The following TANK variants were observed in gnomAD, a reference collection of about 807,000 sequenced individuals.
TANK encodes the protein TRAF family member-associated NF-kappa-B activator.
Under a neutral mutation model 43.6 loss-of-function variants are expected in TANK, and 15 were observed. The observed-to-expected ratio is 0.34, with a 90% CI of 0.23 to 0.53. TANK has a LOEUF of 0.53. Among genes scored for constraint, TANK ranks in the 20% least tolerant of loss-of-function variants. The pLI, the probability that TANK is intolerant of heterozygous loss-of-function variation, is 0.94. For missense variants in TANK, 417 were observed against 498.6 expected (o/e 0.84, Z 1.56); for synonymous variants, 162 against 178.2 (o/e 0.91, Z 0.73).
upstream of TANK, chr2:161,156,171 C>CT (rs1684221559): frequency 2.0e-6 from 2 of 985,314 alleles, no homozygotes; most frequent in Non-Finnish European, 2.4e-6. Flanking sequence ...CATAATCTTT[C>CT]TACCATTTCC....
chr2:161,140,824 A>T (rs1015565879), intron 1 of TANK, among the ~76,000 whole-genome samples: 1 of 151,522 alleles, frequency 6.6e-6, no homozygotes, highest in Non-Finnish European at 1.5e-5. Context: ...TTTTTTTTTA[A>T]TGAATAGTCT....
rs771483129 is a variant in TANK, at chr2:161,230,941, T to C, written c.521-30T>C. The C allele has an allele frequency of 2.6e-6, 4 of 1,529,332 alleles. No individual in the cohort carries two copies. The South Asian group carries it at 3.4e-5, about 13-fold the overall frequency. The allele number at this position is 1,529,332 out of a possible 1,614,324, so 94.7% of individuals were successfully genotyped here. A position where few individuals can be genotyped will look rare whatever the true frequency, so the allele number is the denominator to read the frequency against. On this transcript the variant is annotated intron_variant, in intron 6 of 7. Transcript: ENST00000392749. ...ATTTTTTTAATGATTTGAATGCGGC[T>C]GTTTCTCTTTTGTGTTCTTCTCCCT...
chr2:161,163,706 G>T (rs1174600571), intron 1 of TANK, among the ~76,000 whole-genome samples: 1 of 152,112 alleles, frequency 6.6e-6, no homozygotes, highest in Admixed American at 6.5e-5. Flanking sequence ...CCTACAGAGG[G>T]TTTCAAAATG....
At chr2:161,139,236 C>T (rs574048608) in intron 1 of TANK, among the ~76,000 whole-genome samples, 1 of 152,112 alleles carries the variant, frequency 6.6e-6, no homozygotes, top group Non-Finnish European at 1.5e-5. Context: ...AGCAGTCAAC[C>T]TTGTCTTGTT....
intron 4 of TANK, among the ~76,000 whole-genome samples, chr2:161,207,046 A>G (rs1444289712): frequency 6.6e-6 from 1 of 152,064 alleles, no homozygotes; most frequent in East Asian, 1.9e-4. Context: ...ATAATTTGTT[A>G]TTTATGCAAG....
At chr2:161,154,007 C>T (rs1684152370) in intron 1 of TANK, among the ~76,000 whole-genome samples, 2 of 152,194 alleles carry the variant, frequency 1.3e-5, no homozygotes, top group Non-Finnish European at 2.9e-5. Context: ...TAACCTAGGA[C>T]TCTGCCTAGT....
intron 1 of TANK, among the ~76,000 whole-genome samples, chr2:161,147,052 G>A (rs750242827): frequency 9.9e-5 from 15 of 152,100 alleles, no homozygotes; most frequent in Admixed American, 1.3e-4. Flanking sequence ...GGGAGGCCCC[G>A]CCCAATAAGG....
chr2:161,222,713 CAT>C (rs1164071802), intron 4 of TANK: 2 of 152,042 alleles, frequency 1.3e-5, no homozygotes, highest in Non-Finnish European at 2.9e-5. Flanking sequence ...TTGTCAAACA[CAT>C]GATATGCAGC....
chr2:161,230,491 T>A (rs1342800124), intron 6 of TANK, among the ~76,000 whole-genome samples: 1 of 152,214 alleles, frequency 6.6e-6, no homozygotes. Flanking sequence ...TCACATGGAT[T>A]ATTGAGAGCA....
At chr2:161,189,043 A>G (rs976330917) in intron 2 of TANK, among the ~76,000 whole-genome samples, 45 of 152,216 alleles carry the variant, frequency 3.0e-4, no homozygotes, top group Non-Finnish European at 4.8e-4. Flanking sequence ...CTGTGAAGAA[A>G]TAAATTTCTG....
At chr2:161,137,128 T>A (rs1683609309) in intron 1 of TANK, 1 of 985,466 alleles carries the variant, frequency 1.0e-6, no homozygotes. Flanking sequence ...TGTCTTAAAC[T>A]GAAGTGTTGC....
chr2:161,177,815 T>G (rs763718311), intron 1 of TANK, among the ~76,000 whole-genome samples: 1 of 152,074 alleles, frequency 6.6e-6, no homozygotes, highest in Non-Finnish European at 1.5e-5. Flanking sequence ...TAAAGAACTT[T>G]TAAAATTTAA....
At chr2:161,182,084 A>G (rs1685453646) in intron 2 of TANK, among the ~76,000 whole-genome samples, 1 of 150,550 alleles carries the variant, frequency 6.6e-6, no homozygotes, top group Non-Finnish European at 1.5e-5. Flanking sequence ...TAGAATTTGG[A>G]TTTTTTTTTT....
chr2:161,209,096 G>A (rs536317893), intron 4 of TANK, among the ~76,000 whole-genome samples: 1 of 152,116 alleles, frequency 6.6e-6, no homozygotes, highest in Non-Finnish European at 1.5e-5. Context: ...TTAAATTCCT[G>A]AATTATGTGA....
At chr2:161,161,103 A>T in intron 1 of TANK, 2 of 1,045,740 alleles carry the variant, frequency 1.9e-6, no homozygotes, top group Non-Finnish European at 2.7e-6. Flanking sequence ...CCCAGGCGTT[A>T]GGTAGAGTCC....
chr2:161,204,181 T>C (rs1362628875), intron 3 of TANK, among the ~76,000 whole-genome samples: 2 of 152,178 alleles, frequency 1.3e-5, no homozygotes, highest in Non-Finnish European at 2.9e-5. Flanking sequence ...AAGTTATATG[T>C]ATAGGAAAAG....
At chr2:161,224,056 G>GT (rs931631416) in intron 5 of TANK, 65 bp downstream of exon 5, 163 of 1,112,956 alleles carry the variant, frequency 1.5e-4, no homozygotes, top group South Asian at 1.9e-4. Flanking sequence ...TTTTATATTT[G>GT]TTTTTTTTAA....
intron 2 of TANK, among the ~76,000 whole-genome samples, chr2:161,199,284 C>T (rs1004074237): frequency 2.7e-5 from 4 of 150,392 alleles, no homozygotes; most frequent in Non-Finnish European, 5.9e-5. Context: ...TTATTAAATT[C>T]CTTAATAAAT....
At chr2:161,176,055 C>T (rs1462084238) in intron 1 of TANK, among the ~76,000 whole-genome samples, 2 of 152,084 alleles carry the variant, frequency 1.3e-5, no homozygotes, top group Non-Finnish European at 2.9e-5. Context: ...ATAGCATCAG[C>T]CTCTTGGGTT....
Sources: allele counts gnomAD v4.1 joint callset (sites outside exome capture counted in the v4.1 genomes callset), GRCh38; gene constraint gnomAD v4.1.1; transcripts MANE v1.5; gene names NCBI Gene and HGNC (gene_info 2026-07-23, HGNC 2026-07-21).